NEK1: variants seen among roughly 807,000 people sequenced by gnomAD.
The protein encoded by NEK1 is serine/threonine-protein kinase Nek1.
In NEK1, 137 loss-of-function variants were observed where a neutral mutation model predicts 182.1. That is an observed-to-expected ratio of 0.75 (90% CI 0.65 to 0.87). NEK1 has a LOEUF of 0.87. Ranked by LOEUF, NEK1 falls within the 40% of genes least tolerant of loss-of-function variation. The probability of loss-of-function intolerance (pLI) is 0.00; values close to 1 mark genes in which losing one functional copy is unlikely to be tolerated. For missense variants in NEK1, 1,391 were observed against 1,494.4 expected (o/e 0.93, Z 1.14); for synonymous variants, 513 against 492.2 (o/e 1.04, Z -0.56).
chr4:169,496,931 G>A (rs1475742402), intron 23 of NEK1, among the ~76,000 whole-genome samples: 8 of 152,162 alleles, frequency 5.3e-5, no homozygotes, highest in Non-Finnish European at 1.5e-5. Flanking sequence ...AATGCGTTAG[G>A]GAGGATTCCC....
intron 31 of NEK1, among the ~76,000 whole-genome samples, chr4:169,418,327 T>C (rs771938494): frequency 2.0e-5 from 3 of 152,134 alleles, no homozygotes; most frequent in Admixed American, 6.5e-5. Context: ...TACAGGAAGA[T>C]AGTAATAACA....
chr4:169,576,406 CA>C (rs1405407725), intron 12 of NEK1, among the ~76,000 whole-genome samples: 1 of 152,136 alleles, frequency 6.6e-6, no homozygotes, highest in Non-Finnish European at 1.5e-5. Context: ...CTCCATATAC[CA>C]AAGCATGCAG....
At chr4:169,432,220 T>C (rs956236514) in intron 29 of NEK1, among the ~76,000 whole-genome samples, 3 of 152,132 alleles carry the variant, frequency 2.0e-5, no homozygotes, top group African/African-American at 7.2e-5. Flanking sequence ...CCTTGTTAGA[T>C]TGGAAAAACT....
At chr4:169,443,580 A>C (rs538243808) in intron 27 of NEK1, among the ~76,000 whole-genome samples, 1 of 152,170 alleles carries the variant, frequency 6.6e-6, no homozygotes, top group East Asian at 1.9e-4. Context: ...TTCAGAAAAA[A>C]AAAGAGATGG....
intron 18 of NEK1, among the ~76,000 whole-genome samples, chr4:169,542,256 T>C (rs970255593): frequency 2.6e-5 from 4 of 152,128 alleles, no homozygotes; most frequent in African/African-American, 9.7e-5. Flanking sequence ...AGTGAGAACA[T>C]GTGGTGTTTG....
intron 29 of NEK1, among the ~76,000 whole-genome samples, chr4:169,429,699 T>G (rs1301806203): frequency 6.6e-6 from 1 of 152,188 alleles, no homozygotes; most frequent in Non-Finnish European, 1.5e-5. Flanking sequence ...AGTTAGTCTC[T>G]CAAACACTTA....
chr4:169,406,443 C>A (rs1056665602), intron 32 of NEK1, among the ~76,000 whole-genome samples, 153 bp downstream of exon 32: 7 of 148,804 alleles, frequency 4.7e-5, no homozygotes, highest in African/African-American at 1.7e-4. Context: ...CAGAGTGAGA[C>A]CCTGTCTCTT....
chr4:169,402,053 C>T (rs961473609), intron 32 of NEK1, among the ~76,000 whole-genome samples, 193 bp from the exon 33 acceptor site: 1 of 152,112 alleles, frequency 6.6e-6, no homozygotes, highest in Admixed American at 6.6e-5. Context: ...AGGATGAATA[C>T]AACTGATAAA....
At chr4:169,478,084 A>G (rs759293765) in intron 24 of NEK1, among the ~76,000 whole-genome samples, 20 of 152,022 alleles carry the variant, frequency 1.3e-4, no homozygotes, top group Non-Finnish European at 2.2e-4. Context: ...CCTAATTAGC[A>G]TTGTCAAAGC....
chr4:169,507,513 G>A (rs1753506152), intron 22 of NEK1, among the ~76,000 whole-genome samples: 2 of 151,782 alleles, frequency 1.3e-5, no homozygotes, highest in Non-Finnish European at 2.9e-5. Context: ...ATGTATTTAT[G>A]CCATGGTTTT....
At chr4:169,418,015 AG>A (rs903158901) in intron 31 of NEK1, among the ~76,000 whole-genome samples, 2 of 152,238 alleles carry the variant, frequency 1.3e-5, no homozygotes, top group Non-Finnish European at 2.9e-5. Flanking sequence ...TGATGAGCAC[AG>A]GCCATGAATA....
At chr4:169,493,876 T>G (rs1750596092) in intron 23 of NEK1, among the ~76,000 whole-genome samples, 1 of 152,228 alleles carries the variant, frequency 6.6e-6, no homozygotes, top group South Asian at 2.1e-4. Flanking sequence ...TTTCAGGGTA[T>G]GATTCTGAAA....
chr4:169,559,179 T>C (rs755388317), intron 16 of NEK1, among the ~76,000 whole-genome samples: 1 of 152,212 alleles, frequency 6.6e-6, no homozygotes, highest in African/African-American at 2.4e-5. Flanking sequence ...AACTGATTAA[T>C]ACTGTATTAG....
At chr4:169,590,529 T>C (rs1333373435) in intron 6 of NEK1, among the ~76,000 whole-genome samples, 197 bp downstream of exon 6, 2 of 151,980 alleles carry the variant, frequency 1.3e-5, no homozygotes, top group Admixed American at 6.6e-5. Flanking sequence ...TTTCAGAGAC[T>C]GGGAAGGAAA....
chr4:169,409,267 C>T (rs1201775108), intron 31 of NEK1, among the ~76,000 whole-genome samples: 2 of 151,698 alleles, frequency 1.3e-5, no homozygotes, highest in Admixed American at 6.6e-5. Flanking sequence ...GCCTCAGCCT[C>T]CTGAGTAGCT....
chr4:169,488,984 C>T (rs189529758), intron 23 of NEK1, among the ~76,000 whole-genome samples: 2 of 152,134 alleles, frequency 1.3e-5, no homozygotes, highest in East Asian at 1.9e-4. Context: ...ATAAAGGCCA[C>T]AAACATTAAG....
intron 31 of NEK1, among the ~76,000 whole-genome samples, chr4:169,413,558 TA>T (rs1163167898): frequency 6.6e-6 from 1 of 152,180 alleles, no homozygotes; most frequent in Non-Finnish European, 1.5e-5. Context: ...TATGAATAAA[TA>T]AGTGATAAAG....
chr4:169,526,705 C>G (rs949589719), intron 19 of NEK1, among the ~76,000 whole-genome samples: 4 of 152,132 alleles, frequency 2.6e-5, no homozygotes, highest in Admixed American at 2.6e-4. Context: ...CCTTCAGACT[C>G]AGAATTTAAT....
At chr4:169,452,402 C>A (rs532600086) in intron 27 of NEK1, among the ~76,000 whole-genome samples, 1 of 152,122 alleles carries the variant, frequency 6.6e-6, no homozygotes, top group African/African-American at 2.4e-5. Context: ...AACGTCGATG[C>A]GAAAATCCTC....
Sources: allele counts gnomAD v4.1 joint callset (sites outside exome capture counted in the v4.1 genomes callset), GRCh38; gene constraint gnomAD v4.1.1; transcripts MANE v1.5; gene names NCBI Gene and HGNC (gene_info 2026-07-23, HGNC 2026-07-21).